The following NRP1 variants were observed in gnomAD, a reference collection of about 807,000 sequenced individuals.
The protein encoded by NRP1 is neuropilin 1.
A neutral mutation model predicts 106.7 loss-of-function variants in NRP1; 35 were observed. The ratio of observed to expected loss-of-function variants is 0.33; its 90% confidence interval spans 0.25 to 0.43. The LOEUF is 0.43. Ranked by LOEUF, NRP1 falls within the 20% of genes least tolerant of loss-of-function variation. The pLI, the probability that NRP1 is intolerant of heterozygous loss-of-function variation, is 1.00. For missense variants in NRP1, 1,024 were observed against 1,170.4 expected, an observed-to-expected ratio of 0.87 and a Z score of 1.83; for synonymous variants, 437 against 417.9, an observed-to-expected ratio of 1.05 and a Z score of -0.56.
At chr10:33,327,635 T>G (rs1222070407) in intron 2 of NRP1, among the ~76,000 whole-genome samples, 1 of 152,034 alleles carries the variant, frequency 6.6e-6, no homozygotes, top group Non-Finnish European at 1.5e-5. Flanking sequence ...GAATTTGTTC[T>G]TCAAATAATT....
At chr10:33,189,294 T>C (rs1332308548) in intron 13 of NRP1, among the ~76,000 whole-genome samples, 1 of 152,210 alleles carries the variant, frequency 6.6e-6, no homozygotes, top group Non-Finnish European at 1.5e-5. Context: ...TCTGCCTCTA[T>C]CTAACTGCTT....
intron 11 of NRP1, among the ~76,000 whole-genome samples, chr10:33,200,221 G>A (rs1464929262): frequency 6.6e-6 from 1 of 152,176 alleles, no homozygotes; most frequent in Non-Finnish European, 1.5e-5. Flanking sequence ...TTTTGCTATA[G>A]TTTGGGAGGC....
intron 9 of NRP1, among the ~76,000 whole-genome samples, chr10:33,210,705 A>G (rs575928274): frequency 6.6e-6 from 1 of 152,364 alleles, no homozygotes; most frequent in African/African-American, 2.4e-5. Flanking sequence ...TTTTTGGGGT[A>G]GAGAGTGAGG....
At chr10:33,293,824 C>G (rs923888823) in intron 2 of NRP1, among the ~76,000 whole-genome samples, 6 of 152,210 alleles carry the variant, frequency 3.9e-5, no homozygotes, top group Admixed American at 2.6e-4. Flanking sequence ...GGCACTATTA[C>G]CACACGATGG....
At chr10:33,258,411 C>T (rs1414799071) in intron 4 of NRP1, among the ~76,000 whole-genome samples, 1 of 152,160 alleles carries the variant, frequency 6.6e-6, no homozygotes, top group Non-Finnish European at 1.5e-5. Context: ...AGTTTTCTCT[C>T]TGTTGCAACC....
In NRP1 at chr10:33,227,198, T is replaced by C. The variant is rs141286264; in HGVS notation, c.982-909A>G. Among the ~76,000 whole-genome samples the C allele has an allele frequency of 2.4e-3, 363 of 152,274 alleles. 3 individuals are homozygous for C. Among genetic ancestry groups the C allele is most frequent in the African/African-American group, 7.7e-3 (321 of 41,554 alleles). On this transcript the variant is annotated intron_variant, in intron 6 of 16. Coordinates refer to ENST00000374867, the MANE Select transcript of NRP1 (RefSeq NM_003873.7). ...AATATCATACTTTCCAAACTGCACA[T>C]TCATATATGTCATCTTGCAAAGACA...
At chr10:33,288,702 C>T (rs932749060) in intron 2 of NRP1, 1 of 152,042 alleles carries the variant, frequency 6.6e-6, no homozygotes, top group African/African-American at 2.4e-5. Flanking sequence ...TTTCTTTTTT[C>T]TTATTGCTGC....
chr10:33,203,500 T>A (rs912688885), intron 10 of NRP1, among the ~76,000 whole-genome samples: 9 of 148,596 alleles, frequency 6.1e-5, no homozygotes, highest in South Asian at 2.2e-4. Flanking sequence ...AGTGTTTTTT[T>A]AAAAAAAAAC....
chr10:33,284,606 A>C (rs534618132), intron 2 of NRP1, among the ~76,000 whole-genome samples: 1 of 152,240 alleles, frequency 6.6e-6, no homozygotes, highest in East Asian at 1.9e-4. Context: ...TCCCTAGATC[A>C]TATTATTGTT....
chr10:33,305,821 T>G (rs986830174), intron 2 of NRP1, among the ~76,000 whole-genome samples: 4 of 151,944 alleles, frequency 2.6e-5, no homozygotes, highest in African/African-American at 7.3e-5. Context: ...CAGGCTGGAG[T>G]GCAATGGCAT....
chr10:33,235,349 G>T (rs1332681716), intron 6 of NRP1, among the ~76,000 whole-genome samples: 3 of 152,170 alleles, frequency 2.0e-5, no homozygotes, highest in Non-Finnish European at 4.4e-5. Flanking sequence ...AAACCATAAA[G>T]ATCAAATGTG....
chr10:33,225,511 C>T (rs1839588832), intron 7 of NRP1, among the ~76,000 whole-genome samples: 2 of 152,180 alleles, frequency 1.3e-5, no homozygotes, highest in African/African-American at 4.8e-5. Context: ...AACAGGCAGG[C>T]TGAGAAAAAC....
At chr10:33,189,340 G>A (rs1046734595) in intron 13 of NRP1, among the ~76,000 whole-genome samples, 1 of 152,170 alleles carries the variant, frequency 6.6e-6, no homozygotes, top group Admixed American at 6.5e-5. Context: ...CACCAAACAT[G>A]AGCCAGTAAA....
At chr10:33,327,564 C>T (rs1418933850) in intron 2 of NRP1, among the ~76,000 whole-genome samples, 1 of 151,846 alleles carries the variant, frequency 6.6e-6, no homozygotes, top group Non-Finnish European at 1.5e-5. Context: ...ATATAAAGTA[C>T]AAAAAAACCC....
chr10:33,196,348 C>T (rs955694784), intron 12 of NRP1, among the ~76,000 whole-genome samples: 10 of 152,150 alleles, frequency 6.6e-5, no homozygotes, highest in Admixed American at 4.6e-4. Flanking sequence ...CACCCCTCTT[C>T]CCTATCCCAG....
intron 8 of NRP1, among the ~76,000 whole-genome samples, chr10:33,216,550 C>T (rs1305584720): frequency 3.3e-5 from 5 of 151,994 alleles, no homozygotes; most frequent in African/African-American, 1.2e-4. Flanking sequence ...AACTCTTGGC[C>T]TCAAGCAATC....
chr10:33,324,838 A>C (rs1449141985), intron 2 of NRP1, among the ~76,000 whole-genome samples: 1 of 152,138 alleles, frequency 6.6e-6, no homozygotes, highest in African/African-American at 2.4e-5. Flanking sequence ...GGGTTTCACC[A>C]TGTTGGCCAG....
intron 2 of NRP1, among the ~76,000 whole-genome samples, chr10:33,330,158 AC>A (rs1848171415): frequency 1.3e-5 from 2 of 152,038 alleles, no homozygotes; most frequent in African/African-American, 4.8e-5. Context: ...CATTTACAAA[AC>A]CCCTCATCTG....
intron 2 of NRP1, among the ~76,000 whole-genome samples, chr10:33,329,675 G>A (rs890458525): frequency 1.3e-5 from 2 of 152,120 alleles, no homozygotes; most frequent in Non-Finnish European, 1.5e-5. Flanking sequence ...GATTTAAATC[G>A]ATTATTTTTC....
Sources: allele counts gnomAD v4.1 joint callset (sites outside exome capture counted in the v4.1 genomes callset), GRCh38; gene constraint gnomAD v4.1.1; transcripts MANE v1.5; gene names NCBI Gene and HGNC (gene_info 2026-07-23, HGNC 2026-07-21).